The following MAK variants were observed in gnomAD, a reference collection of about 807,000 sequenced individuals.
MAK encodes the protein serine/threonine-protein kinase MAK.
Under a neutral mutation model 82.6 loss-of-function variants are expected in MAK, and 65 were observed. The observed-to-expected ratio is 0.79, with a 90% CI of 0.64 to 0.97. The LOEUF is 0.97. MAK is among the 50% of genes least tolerant of loss of function. MAK has a pLI of 0.00. For synonymous variants in MAK, 250 were observed against 274.2 expected, an observed-to-expected ratio of 0.91 and a Z score of 0.87; for missense variants, 703 against 780.2, an observed-to-expected ratio of 0.90 and a Z score of 1.18.
intron 11 of MAK, among the ~76,000 whole-genome samples, chr6:10,777,880 C>T (rs907157429): frequency 1.9e-4 from 29 of 152,258 alleles, no homozygotes; most frequent in Non-Finnish European, 3.4e-4. Flanking sequence ...TCAGGTGATC[C>T]GCCTGCCTCA....
intron 5 of MAK, among the ~76,000 whole-genome samples, chr6:10,812,913 G>A (rs1158819647): frequency 6.7e-6 from 1 of 149,128 alleles, no homozygotes; most frequent in Non-Finnish European, 1.5e-5. Context: ...ATAGGCGCGC[G>A]CCACCAAGCC....
intron 11 of MAK, among the ~76,000 whole-genome samples, chr6:10,775,877 C>T (rs1361472308): frequency 6.6e-6 from 1 of 152,172 alleles, no homozygotes; most frequent in Non-Finnish European, 1.5e-5. Flanking sequence ...CAGCCTCCAC[C>T]TCCCAGGTTC....
intron 13 of MAK, among the ~76,000 whole-genome samples, chr6:10,771,831 A>G (rs1415643856): frequency 1.3e-5 from 2 of 152,362 alleles, no homozygotes; most frequent in East Asian, 3.9e-4. Context: ...CCCATCTCAG[A>G]AACTCATTCT....
In MAK at chr6:10,795,993, C is replaced by T. The variant is rs757700635; in HGVS notation, c.1143+5G>A. ...TCATTGCAAGTGTCATGACTGGCTA[C>T]TCACAGTTGGCATGTTTTTGACGAT... On this transcript the variant is annotated splice_donor_5th_base_variant and intron_variant, in intron 9 of 14. Coordinates refer to ENST00000354489, the MANE Select transcript of MAK (RefSeq NM_001242957.3). The T allele has an allele frequency of 6.2e-7, 1 of 1,613,308 alleles. No individual in the cohort carries two copies. Among genetic ancestry groups the T allele is most frequent in the African/African-American group, 1.3e-5 (1 of 74,898 alleles).
chr6:10,792,345 G>A (rs979625425), intron 9 of MAK, among the ~76,000 whole-genome samples: 2 of 152,210 alleles, frequency 1.3e-5, no homozygotes, highest in African/African-American at 4.8e-5. Context: ...TCAGGGTGGT[G>A]GAGCGGGAAG....
intron 10 of MAK, among the ~76,000 whole-genome samples, chr6:10,789,008 T>C (rs1404679575): frequency 6.6e-6 from 1 of 152,122 alleles, no homozygotes; most frequent in Admixed American, 6.6e-5. Context: ...AAGTTTTAAC[T>C]ACCTTATCCA....
chr6:10,821,266 CGTA>C (rs1436605667), intron 2 of MAK, among the ~76,000 whole-genome samples: 3 of 151,118 alleles, frequency 2.0e-5, no homozygotes, highest in Non-Finnish European at 3.0e-5. Flanking sequence ...ATTCTTGAAA[CGTA>C]ATTTCAGAAT....
At chr6:10,780,046 G>A (rs1387314179) in intron 11 of MAK, among the ~76,000 whole-genome samples, 1 of 152,132 alleles carries the variant, frequency 6.6e-6, no homozygotes, top group African/African-American at 2.4e-5. Flanking sequence ...CACAATAGGT[G>A]CTCAATAAAT....
intron 4 of MAK, among the ~76,000 whole-genome samples, chr6:10,817,354 A>G (rs528963854): frequency 7.9e-4 from 121 of 152,330 alleles, no homozygotes; most frequent in African/African-American, 2.9e-3. Context: ...TTCTGCCCAC[A>G]CATATTTAAA....
chr6:10,813,005 T>TC (rs60266470), intron 5 of MAK, among the ~76,000 whole-genome samples: 1,637 of 115,812 alleles, frequency 0.014, 45 homozygotes, highest in East Asian at 0.12. Context: ...CCTAAGGTGA[T>TC]CCCCCCCCCC....
intron 5 of MAK, among the ~76,000 whole-genome samples, chr6:10,810,114 AAG>A (rs1491459983): frequency 0.55 from 60,901 of 110,282 alleles, 15,914 homozygotes; most frequent in African/African-American, 0.71. Context: ...AAAAAAAAAA[AAG>A]AAAGAAAAGA....
At chr6:10,803,961 A>G (rs544433524) in intron 6 of MAK, 70 bp from the exon 7 acceptor site, 4 of 1,314,820 alleles carry the variant, frequency 3.0e-6, no homozygotes, top group African/African-American at 2.9e-5. Context: ...GTAGCATTCT[A>G]CGCTGTGTGG....
intron 1 of MAK, among the ~76,000 whole-genome samples, chr6:10,837,630 TA>T (rs1405782740): frequency 6.6e-6 from 1 of 152,252 alleles, no homozygotes; most frequent in Non-Finnish European, 1.5e-5. Flanking sequence ...AGAATTCCGT[TA>T]TCATTAGAAC....
rs1045457838 is a variant in MAK, at chr6:10,813,010, C to T, written c.358+634G>A. Among the ~76,000 whole-genome samples the T allele has an allele frequency of 3.3e-3, 454 of 138,932 alleles. 1 individual carries two copies. The highest frequency in any genetic ancestry group is 4.8e-3 in the Non-Finnish European group (307 of 64,410). The allele number at this position is 138,932 out of a possible 152,430, so 91.1% of individuals were successfully genotyped here. On this transcript the variant is annotated intron_variant, in intron 5 of 14. Transcript: ENST00000354489. ...GAACTCCTGACCTAAGGTGATCCCC[C>T]CCCCCGCCTCGGCCTCCCAAAGTGC...
intron 5 of MAK, among the ~76,000 whole-genome samples, chr6:10,813,118 ATATATATATATATATAAATTT>A (rs1561987319): frequency 0.026 from 84 of 3,236 alleles, 9 homozygotes; most frequent in Non-Finnish European, 0.033. Flanking sequence ...ATATATATAT[ATATATATATATATATAAATTT>A]TTTTTTTTTT....
chr6:10,775,561 G>A, intron 11 of MAK, 102 bp from the exon 12 acceptor site: 1 of 1,282,472 alleles, frequency 7.8e-7, no homozygotes, highest in Middle Eastern at 2.1e-4. Flanking sequence ...ACCTTGGACA[G>A]GAGAATGGAA....
chr6:10,797,440 T>C (rs1455778268), intron 8 of MAK, among the ~76,000 whole-genome samples: 2 of 152,196 alleles, frequency 1.3e-5, no homozygotes, highest in African/African-American at 2.4e-5. Context: ...TAGTGTCTAG[T>C]GTCTAGAGGG....
chr6:10,806,446 A>C (rs1581720783), intron 6 of MAK, among the ~76,000 whole-genome samples: 1 of 150,536 alleles, frequency 6.6e-6, no homozygotes, highest in South Asian at 2.1e-4. Flanking sequence ...CTCCTGCCTC[A>C]GCCTCCCAAG....
At chr6:10,827,888 C>T (rs192335380) in intron 2 of MAK, 1 of 152,288 alleles carries the variant, frequency 6.6e-6, no homozygotes, top group Non-Finnish European at 1.5e-5. Context: ...CACCATGTTG[C>T]CAAGCTGGTC....
Sources: allele counts gnomAD v4.1 joint callset (sites outside exome capture counted in the v4.1 genomes callset), GRCh38; gene constraint gnomAD v4.1.1; transcripts MANE v1.5; gene names NCBI Gene and HGNC (gene_info 2026-07-23, HGNC 2026-07-21).